KCNB2: variants seen among roughly 807,000 people sequenced by gnomAD.
KCNB2 encodes delayed rectifier potassium channel protein.
A neutral mutation model predicts 61.5 loss-of-function variants in KCNB2; 15 were observed. The observed-to-expected ratio is 0.24, with a 90% confidence interval of 0.16 to 0.38. KCNB2 has a LOEUF of 0.38. Among genes scored for constraint, KCNB2 ranks in the 10% least tolerant of loss-of-function variants. The pLI is 1.00. For missense variants in KCNB2, 828 were observed against 1,125.2 expected (o/e 0.74, Z 3.78); for synonymous variants, 457 against 446.0 (o/e 1.02, Z -0.31).
Position 72,936,937 on chromosome 8 carries a change from T to A in KCNB2, c.1582T>A (p.Ser528Thr), listed in dbSNP as rs377338435. ...KDSHEQLNNT[S>T]SSSPQHLSAQ... ...CTCCCACGAGCAGCTGAACAACACG[T>A]CTTCCTCCAGCCCACAGCATCTGAG... The change falls in exon 3 of 3, where the codon TCT (serine) becomes ACT (threonine). Residue 528 changes from serine to threonine, a missense_variant. Physicochemically the swap from Ser to Thr is moderately conservative, Grantham distance 58. This residue lies in a region of KCNB2 where 559 missense variants were observed against 588.4 expected (regional missense o/e 0.95). Transcript: ENST00000523207. This position sits in a 1 kb window ranked among gnomAD's most constrained non-coding sequence, Gnocchi z 5.6. The A allele has an allele frequency of 1.9e-6, 3 of 1,613,926 alleles. No homozygotes were observed. The African/African-American group carries it at 4.0e-5, about 22-fold the overall frequency.
chr8:72,926,380 T>C (rs1313880100), intron 2 of KCNB2, among the ~76,000 whole-genome samples: 1 of 152,246 alleles, frequency 6.6e-6, no homozygotes, highest in Non-Finnish European at 1.5e-5. Context: ...TCTCAACTTA[T>C]AAAATCTAGT....
chr8:72,605,551 T>G (rs1339547059), intron 2 of KCNB2, among the ~76,000 whole-genome samples: 1 of 152,144 alleles, frequency 6.6e-6, no homozygotes, highest in Non-Finnish European at 1.5e-5. Flanking sequence ...GCTTTCTAAG[T>G]CATTAGCAAG....
At chr8:72,623,017 C>T (rs1805735492) in intron 2 of KCNB2, among the ~76,000 whole-genome samples, 1 of 151,904 alleles carries the variant, frequency 6.6e-6, no homozygotes, top group South Asian at 2.1e-4. Context: ...CTGATTTTAC[C>T]AAAATCAGAA....
At position 72,596,245 on chromosome 8, in the gene KCNB2, G is replaced by C. The variant is rs146725612; in HGVS notation, c.579+27932G>C. 1.7e-3 allele frequency among the ~76,000 whole-genome samples: 256 copies of C among 152,230 alleles called. 2 individuals carry two copies. Among genetic ancestry groups the C allele is most frequent in the African/African-American group, 5.9e-3 (247 of 41,550 alleles). On this transcript the variant is annotated intron_variant, in intron 2 of 2. Transcript: ENST00000523207. ...GACCTCATATTTCCTTTGCAGTAAG[G>C]TACTCTGATGTCAAGAGACTAGGTA...
intron 2 of KCNB2, among the ~76,000 whole-genome samples, chr8:72,838,205 G>C (rs528549353): frequency 5.1e-4 from 78 of 152,176 alleles, no homozygotes; most frequent in African/African-American, 1.7e-3. Context: ...ATGTTGGTTT[G>C]CTGCACCCAT....
At chr8:72,934,142 A>G (rs1227152807) in intron 2 of KCNB2, among the ~76,000 whole-genome samples, 1 of 152,102 alleles carries the variant, frequency 6.6e-6, no homozygotes, top group Non-Finnish European at 1.5e-5. Flanking sequence ...GCACTTTGGG[A>G]GGCCGAAGCA....
chr8:72,651,827 A>T (rs561019125), intron 2 of KCNB2, among the ~76,000 whole-genome samples: 1 of 152,240 alleles, frequency 6.6e-6, no homozygotes, highest in East Asian at 1.9e-4. Context: ...CTAATTTAGT[A>T]TATGTAACTG....
At chr8:72,921,042 T>A (rs958483815) in intron 2 of KCNB2, among the ~76,000 whole-genome samples, 1 of 152,176 alleles carries the variant, frequency 6.6e-6, no homozygotes, top group Non-Finnish European at 1.5e-5. Flanking sequence ...GAAGGTAGGC[T>A]ACCTTCTCTC....
intron 2 of KCNB2, among the ~76,000 whole-genome samples, chr8:72,655,308 G>T (rs1425559223): frequency 6.6e-6 from 1 of 152,080 alleles, no homozygotes. Context: ...GGTGGGGGAT[G>T]GGAGGAGGAT....
At chr8:72,829,201 G>C (rs1809648252) in intron 2 of KCNB2, among the ~76,000 whole-genome samples, 2 of 152,242 alleles carry the variant, frequency 1.3e-5, no homozygotes, top group South Asian at 4.1e-4. Flanking sequence ...ATGGATGTTG[G>C]AGGCCTGAAT....
chr8:72,836,855 AGCC>A (rs1809791465), intron 2 of KCNB2, among the ~76,000 whole-genome samples: 2 of 152,158 alleles, frequency 1.3e-5, no homozygotes, highest in African/African-American at 2.4e-5. Context: ...AACTGCAATG[AGCC>A]ATGTTTGTGC....
At chr8:72,785,922 G>A (rs1808838924) in intron 2 of KCNB2, among the ~76,000 whole-genome samples, 1 of 151,878 alleles carries the variant, frequency 6.6e-6, no homozygotes, top group Non-Finnish European at 1.5e-5. Flanking sequence ...ATACTGAAAA[G>A]GCCAATTCCA....
intron 1 of KCNB2, among the ~76,000 whole-genome samples, chr8:72,554,034 A>G (rs1482027749): frequency 1.3e-5 from 2 of 152,084 alleles, no homozygotes; most frequent in Admixed American, 1.3e-4. Flanking sequence ...ATTTGCTGGT[A>G]CTTTATATTA....
chr8:72,654,493 TC>T (rs1309405804), intron 2 of KCNB2, among the ~76,000 whole-genome samples: 2 of 152,174 alleles, frequency 1.3e-5, no homozygotes, highest in Non-Finnish European at 2.9e-5. Flanking sequence ...GTAATTGTAT[TC>T]TAATACCCAA....
At chr8:72,725,573 A>ATATATATGTATGTATG (rs1563571989) in intron 2 of KCNB2, among the ~76,000 whole-genome samples, 1 of 62,182 alleles carries the variant, frequency 1.6e-5, no homozygotes, top group African/African-American at 7.8e-5. Context: ...ATGTATATAT[A>ATATATATGTATGTATG]TGTATATATA....
chr8:72,812,267 C>CA (rs764042462), intron 2 of KCNB2, among the ~76,000 whole-genome samples: 7,748 of 135,310 alleles, frequency 0.057, 245 homozygotes, highest in African/African-American at 0.1. Flanking sequence ...GACTCTGTCT[C>CA]AAAAAAAAAA....
At chr8:72,761,035 T>C (rs1194642184) in intron 2 of KCNB2, among the ~76,000 whole-genome samples, 1 of 152,148 alleles carries the variant, frequency 6.6e-6, no homozygotes. Flanking sequence ...TTTTGACTAT[T>C]GTACAACCTC....
intron 2 of KCNB2, among the ~76,000 whole-genome samples, chr8:72,747,453 G>A (rs563951297): frequency 2.5e-4 from 38 of 152,248 alleles, no homozygotes; most frequent in African/African-American, 8.7e-4. Context: ...GACAAGTTGT[G>A]TACTGTCTGT....
Position 72,938,337 on chromosome 8 carries a change from T to G in KCNB2, c.*246T>G. On this transcript the variant is annotated 3_prime_UTR_variant, in exon 3 of 3. Coordinates refer to ENST00000523207, the MANE Select transcript of KCNB2 (RefSeq NM_004770.3). ...AACAGTGAACAAATAAAAAGAGCTC[T>G]ATTAGGAACCAATATTCTGCAATGT... 27 of 393,928 alleles carry G rather than the reference T, an allele frequency of 6.9e-5. No homozygotes were observed. Among genetic ancestry groups the G allele is most frequent in the Non-Finnish European group, 8.6e-5 (19 of 220,666 alleles). 24.4% of individuals were successfully genotyped at this position (393,928 alleles called of 1,614,324 possible). A position where few individuals can be genotyped will look rare whatever the true frequency, so the allele number is the denominator to read the frequency against.
Sources: allele counts gnomAD v4.1 joint callset (sites outside exome capture counted in the v4.1 genomes callset), GRCh38; gene constraint gnomAD v4.1.1; regional missense constraint gnomAD v4.1.1; non-coding constraint Gnocchi (gnomAD v3.1); transcripts MANE v1.5; gene names NCBI Gene and HGNC (gene_info 2026-07-23, HGNC 2026-07-21).